Variants in TMEM242 observed in about 807,000 individuals in gnomAD.
The protein encoded by TMEM242 is UPF0463 transmembrane protein C6orf35.
Under a neutral mutation model 18.2 loss-of-function variants are expected in TMEM242, and 10 were observed. The ratio of observed to expected loss-of-function variants is 0.55; its 90% CI spans 0.34 to 0.93. The LOEUF (loss-of-function observed/expected upper bound fraction) is 0.93, where lower values mean the gene tolerates loss of function less well. TMEM242 is among the 40% of genes least tolerant of loss of function. The pLI, the probability that TMEM242 is intolerant of heterozygous loss-of-function variation, is 0.02. For missense variants in TMEM242, 186 were observed against 175.5 expected, an observed-to-expected ratio of 1.06 and a Z score of -0.34; for synonymous variants, 57 against 69.9, an observed-to-expected ratio of 0.81 and a Z score of 0.92.
At chr6:157,317,573 G>A (rs1778412654) in intron 3 of TMEM242, among the ~76,000 whole-genome samples, 1 of 152,056 alleles carries the variant, frequency 6.6e-6, no homozygotes, top group Non-Finnish European at 1.5e-5. Flanking sequence ...TTAAATGCTA[G>A]CCATATACTG....
Position 157,323,501 on chromosome 6 carries a change from T to G in TMEM242, c.-2A>C, listed in dbSNP as rs1462146955. 6.2e-7 allele frequency: 1 copy of G among 1,613,534 alleles called. No homozygotes were observed. The highest frequency in any genetic ancestry group is 1.3e-5 in the African/African-American group (1 of 75,050). ...AGTTGCAGCGCCCGCTGTCTCCATG[T>G]TTAGGTCGCCTCTAGTGCGTCCGTC... is the stretch of plus-strand genomic sequence containing the variant. On this transcript the variant is annotated 5_prime_UTR_variant, in exon 1 of 4. Coordinates refer to ENST00000400788, the MANE Select transcript of TMEM242 (RefSeq NM_018452.6).
chr6:157,289,113 C>T lies in TMEM242; in HGVS notation c.*3788G>A, dbSNP rs1452659877. Among the ~76,000 whole-genome samples, 1 of 150,582 alleles carries T rather than the reference C, an allele frequency of 6.6e-6. No homozygotes were observed. The highest frequency in any genetic ancestry group is 2.4e-5 in the African/African-American group (1 of 40,820). On this transcript the variant is annotated 3_prime_UTR_variant, in exon 4 of 4. Transcript: ENST00000400788. ...TCAAACAGTAATGAAACAAAGGCCT[C>T]GAGCCAGCTTCTCTAAGAAATATAA... is the stretch of plus-strand genomic sequence containing the variant.
At chr6:157,312,737 T>G (rs1554249413) in intron 3 of TMEM242, among the ~76,000 whole-genome samples, 1 of 84,154 alleles carries the variant, frequency 1.2e-5, no homozygotes, top group African/African-American at 4.8e-5. Context: ...TGTCCCAGTG[T>G]GCGCTCACCT....
chr6:157,307,550 C>T (rs1046431228), intron 3 of TMEM242, among the ~76,000 whole-genome samples: 1 of 152,144 alleles, frequency 6.6e-6, no homozygotes, highest in Non-Finnish European at 1.5e-5. Context: ...CCCTGTGATT[C>T]GGGTTCTCTG....
At chr6:157,318,661 G>T in intron 3 of TMEM242, 121 bp downstream of exon 3, 1 of 1,124,246 alleles carries the variant, frequency 8.9e-7, no homozygotes, top group Non-Finnish European at 1.3e-6. Flanking sequence ...CACGTACTCT[G>T]TCATCATCTC....
intron 3 of TMEM242, among the ~76,000 whole-genome samples, chr6:157,309,536 G>A (rs980839169): frequency 6.6e-6 from 1 of 151,972 alleles, no homozygotes; most frequent in African/African-American, 2.4e-5. Context: ...CTACGGGCAC[G>A]TGCCACCATG....
At chr6:157,299,252 T>C (rs1376586153) in intron 3 of TMEM242, 10 of 741,224 alleles carry the variant, frequency 1.3e-5, no homozygotes, top group African/African-American at 1.7e-5. Flanking sequence ...CAGCTACAGA[T>C]AGGCCAATGG....
At chr6:157,310,512 A>G (rs1276657895) in intron 3 of TMEM242, among the ~76,000 whole-genome samples, 46 of 1,208 alleles carry the variant, frequency 0.038, no homozygotes, top group African/African-American at 0.077. Flanking sequence ...CCCAGTGTAC[A>G]CTCACCTGGC....
In TMEM242 at chr6:157,313,419, G is replaced by C. The variant is rs111712779; in HGVS notation, c.327+5363C>G. ...GGCCTTATTACAGTGTCCAGTGTGCGCTCACCTGGCCTCATCATAGTGCCC... is the reference window on the plus strand; with the variant it reads ...GGCCTTATTACAGTGTCCAGTGTGCCCTCACCTGGCCTCATCATAGTGCCC... On this transcript the variant is annotated intron_variant, in intron 3 of 3. Transcript: ENST00000400788. Among the ~76,000 whole-genome samples the C allele has an allele frequency of 4.3e-3, 48 of 11,242 alleles. 1 individual carries two copies. Among genetic ancestry groups the C allele is most frequent in the Middle Eastern group, 0.083 (1 of 12 alleles). The allele number at this position is 11,242 out of a possible 152,430, so 7.4% of individuals were successfully genotyped here. A position where few individuals can be genotyped will look rare whatever the true frequency, so the allele number is the denominator to read the frequency against.
intron 3 of TMEM242, among the ~76,000 whole-genome samples, chr6:157,301,873 A>C (rs782152504): frequency 2.0e-5 from 3 of 152,270 alleles, no homozygotes; most frequent in South Asian, 2.1e-4. Context: ...CGGAGGTTGC[A>C]GTGAGCCAAG....
intron 3 of TMEM242, among the ~76,000 whole-genome samples, chr6:157,313,319 C>G (rs1554249694): frequency 6.6e-6 from 1 of 152,102 alleles, no homozygotes; most frequent in African/African-American, 2.4e-5. Context: ...CCAGTGTGCG[C>G]TCACCTGGCC....
At chr6:157,320,102 T>C (rs1200266456) in intron 2 of TMEM242, among the ~76,000 whole-genome samples, 3 of 152,228 alleles carry the variant, frequency 2.0e-5, no homozygotes, top group Admixed American at 1.3e-4. Context: ...ACGCATTAAC[T>C]GTGTGCTCCA....
chr6:157,318,414 G>C (rs1778441571), intron 3 of TMEM242: 1 of 247,456 alleles, frequency 4.0e-6, no homozygotes, highest in Admixed American at 5.5e-5. Context: ...ATAGAGACAG[G>C]GTTTCTTTAC....
chr6:157,301,825 A>G (rs1554247548), intron 3 of TMEM242, among the ~76,000 whole-genome samples: 1 of 152,104 alleles, frequency 6.6e-6, no homozygotes, highest in Non-Finnish European at 1.5e-5. Flanking sequence ...CCAGCTACTC[A>G]GGAGGCAGAG....
At chr6:157,300,094 G>T in intron 3 of TMEM242, 1 of 678,992 alleles carries the variant, frequency 1.5e-6, no homozygotes, top group South Asian at 1.7e-5. Flanking sequence ...TCACTCTCCG[G>T]CTGGCCTGCA....
rs1190826369 is a variant in TMEM242, at chr6:157,290,152, G to T, written c.*2749C>A. On this transcript the variant is annotated 3_prime_UTR_variant, in exon 4 of 4. Transcript: ENST00000400788. ...TCGGAAGCCACTCCTCCCTGCCCGT[G>T]CTTTCTCTAATAGCTCTTTTGGGCG... 1 of 152,320 alleles carries T rather than the reference G, an allele frequency of 6.6e-6. No individual in the cohort carries two copies. Among genetic ancestry groups the T allele is most frequent in the South Asian group, 2.1e-4 (1 of 4,818 alleles). 9.4% of individuals were successfully genotyped at this position (152,320 alleles called of 1,614,324 possible).
At chr6:157,310,622 A>T (rs797031129) in intron 3 of TMEM242, among the ~76,000 whole-genome samples, 2 of 1,708 alleles carry the variant, frequency 1.2e-3, no homozygotes, top group African/African-American at 3.8e-3. Flanking sequence ...GCCCTCACCT[A>T]GCCTCATCAT....
In TMEM242 at chr6:157,289,190, T is replaced by A. The variant is rs1777651335; in HGVS notation, c.*3711A>T. Among the ~76,000 whole-genome samples, 1 of 152,154 alleles carries A rather than the reference T, an allele frequency of 6.6e-6. No homozygotes were observed. The highest frequency in any genetic ancestry group is 2.4e-5 in the African/African-American group (1 of 41,434). On this transcript the variant is annotated 3_prime_UTR_variant, in exon 4 of 4. Coordinates refer to ENST00000400788, the MANE Select transcript of TMEM242 (RefSeq NM_018452.6). ...TACTTGGGTGGGAAAGTTGAAACGA[T>A]ATGTGCTTCTTGGTAGCTGTGATTC...
chr6:157,312,915 C>A (rs587658245), intron 3 of TMEM242, among the ~76,000 whole-genome samples: 2 of 122,180 alleles, frequency 1.6e-5, no homozygotes, highest in Admixed American at 1.6e-4. Context: ...TGTGCGCTCA[C>A]CCGGCATCAT....
Sources: allele counts gnomAD v4.1 joint callset (sites outside exome capture counted in the v4.1 genomes callset), GRCh38; gene constraint gnomAD v4.1.1; transcripts MANE v1.5; gene names NCBI Gene and HGNC (gene_info 2026-07-23, HGNC 2026-07-21).